ROCK2: variants seen among roughly 807,000 people sequenced by gnomAD.
ROCK2 encodes rho-associated protein kinase 2.
Under a neutral mutation model 195.1 loss-of-function variants are expected in ROCK2, and 61 were observed. The observed-to-expected ratio is 0.31, with a 90% confidence interval of 0.25 to 0.39. The LOEUF (loss-of-function observed/expected upper bound fraction) is 0.39. Ranked by LOEUF, ROCK2 falls within the 10% of genes least tolerant of loss-of-function variation. The pLI is 1.00. For synonymous variants in ROCK2, 504 were observed against 545.5 expected (o/e 0.92, Z 1.06); for missense variants, 1,109 against 1,637.4 (o/e 0.68, Z 5.57).
chr2:11,226,625 T>C (rs10168084), intron 6 of ROCK2, among the ~76,000 whole-genome samples: 61,716 of 151,864 alleles, frequency 0.41, 13,814 homozygotes, highest in Admixed American at 0.52. Flanking sequence ...AAGAAAATCT[T>C]AGAGGGCTAG....
At position 11,235,103 on chromosome 2, in the gene ROCK2, A is replaced by G. The variant is rs3771107; in HGVS notation, c.723+599T>C. Among the ~76,000 whole-genome samples, 1 of 152,200 alleles carries G rather than the reference A, an allele frequency of 6.6e-6. No individual in the cohort carries two copies. Among genetic ancestry groups the G allele is most frequent in the East Asian group, 1.9e-4 (1 of 5,202 alleles). ...AGAATTACTTACTGCACACTTACAG[A>G]GAAAAGGGCAAGATATATAAATTTT... On this transcript the variant is annotated intron_variant, in intron 5 of 32. Coordinates refer to ENST00000315872, the MANE Select transcript of ROCK2 (RefSeq NM_004850.5). This position sits in a 1 kb window ranked among gnomAD's most constrained non-coding sequence, Gnocchi z 4.2.
intron 18 of ROCK2, among the ~76,000 whole-genome samples, chr2:11,209,836 G>A (rs866908346): frequency 1.5e-4 from 23 of 152,132 alleles, no homozygotes; most frequent in Admixed American, 3.3e-4. Flanking sequence ...CTTCAAAAGT[G>A]CAGAAAAATG....
intron 3 of ROCK2, among the ~76,000 whole-genome samples, chr2:11,258,586 C>T (rs1352192044): frequency 6.6e-6 from 1 of 151,192 alleles, no homozygotes; most frequent in Non-Finnish European, 1.5e-5. Context: ...CTATGGAGTT[C>T]AGTTATGAGA....
chr2:11,264,858 T>C (rs190976726), intron 3 of ROCK2, among the ~76,000 whole-genome samples: 24 of 152,182 alleles, frequency 1.6e-4, no homozygotes, highest in Admixed American at 9.8e-4. Context: ...AGAGTTTGAG[T>C]GAGATGAAAG....
At chr2:11,285,530 T>C (rs1023986253) in intron 3 of ROCK2, among the ~76,000 whole-genome samples, 1 of 152,000 alleles carries the variant, frequency 6.6e-6, no homozygotes, top group African/African-American at 2.4e-5. Flanking sequence ...ACAAGTCCAA[T>C]AAACCTATCA....
At position 11,344,316 on chromosome 2, in the gene ROCK2, CGCCCGGCCCA is replaced by C. The variant is rs1172971292; in HGVS notation, c.-190_-181del. 1.2e-3 allele frequency: 1,461 copies of C among 1,187,776 alleles called. 3 individuals carry two copies. The African/African-American group carries it at 0.014, about 12-fold the overall frequency. The allele number at this position is 1,187,776 out of a possible 1,614,324, so 73.6% of individuals were successfully genotyped here. Reference sequence around the variant, plus strand: ...CGCCTGGGGGCTGCTCCCAGGGGCCCGCCCGGCCCAGCCCGGCCCAGCCCGGCCCGGCCCT... The same window carrying C: ...CGCCTGGGGGCTGCTCCCAGGGGCCCGCCCGGCCCAGCCCGGCCCGGCCCT... On this transcript the variant is annotated 5_prime_UTR_variant, in exon 1 of 33. Coordinates refer to ENST00000315872, the MANE Select transcript of ROCK2 (RefSeq NM_004850.5). The surrounding 1 kb of genome is among the most constrained non-coding windows in gnomAD (Gnocchi z 5.4).
At chr2:11,185,361 G>A (rs1663155402) in intron 32 of ROCK2, among the ~76,000 whole-genome samples, 2 of 152,174 alleles carry the variant, frequency 1.3e-5, no homozygotes, top group Admixed American at 1.3e-4. Flanking sequence ...TGGACTTAGA[G>A]TTGGGATATA....
intron 3 of ROCK2, among the ~76,000 whole-genome samples, chr2:11,251,166 G>A (rs1000419756): frequency 2.0e-5 from 3 of 152,154 alleles, no homozygotes; most frequent in African/African-American, 4.8e-5. Flanking sequence ...TTGCTTCATC[G>A]TACTTATTAC....
intron 1 of ROCK2, among the ~76,000 whole-genome samples, chr2:11,326,049 T>C (rs1001277418): frequency 6.6e-6 from 1 of 152,088 alleles, no homozygotes; most frequent in Admixed American, 6.5e-5. Context: ...AAAAAGAATG[T>C]AGTTGTAGAT....
At chr2:11,224,980 T>A (rs1273423172) in intron 6 of ROCK2, among the ~76,000 whole-genome samples, 1 of 152,208 alleles carries the variant, frequency 6.6e-6, no homozygotes, top group African/African-American at 2.4e-5. Context: ...TTGTAACCAA[T>A]GGTCACCACA....
intron 1 of ROCK2, among the ~76,000 whole-genome samples, chr2:11,341,883 G>C (rs1016270912): frequency 1.3e-5 from 2 of 151,896 alleles, no homozygotes; most frequent in African/African-American, 4.8e-5. Context: ...TTTCAGTTTG[G>C]AAAAATGAAA....
chr2:11,326,360 C>T (rs957273281), intron 1 of ROCK2, among the ~76,000 whole-genome samples: 2 of 152,202 alleles, frequency 1.3e-5, no homozygotes, highest in African/African-American at 4.8e-5. Flanking sequence ...TGACAAGTGT[C>T]AAGTACTTTT....
rs943620755 is a variant in ROCK2 at position 11,214,396 on chromosome 2, C to T, written c.2004G>A (p.Glu668=). 1.9e-6 allele frequency: 3 copies of T among 1,608,072 alleles called. No individual in the cohort carries two copies. The highest frequency in any genetic ancestry group is 2.7e-5 in the African/African-American group (2 of 74,752). ...GKILLAKVEL[E]KRQLQERFTD... ...TAAATCTCTCCTGAAGTTGTCTCTTCTCCAGTTCTACTTTCGCTAGTAAGA... is the reference window on the plus strand; with the variant it reads ...TAAATCTCTCCTGAAGTTGTCTCTTTTCCAGTTCTACTTTCGCTAGTAAGA... Residue 668 remains glutamate, a synonymous_variant, in exon 17 of 33, where the codon GAG becomes GAA. Transcript: ENST00000315872.
At chr2:11,325,666 T>C (rs184641124) in intron 1 of ROCK2, among the ~76,000 whole-genome samples, 58 of 152,306 alleles carry the variant, frequency 3.8e-4, no homozygotes, top group African/African-American at 1.3e-3. Context: ...TTTTAACTTT[T>C]CTCTGAATGA....
chr2:11,270,957 A>C, intron 3 of ROCK2, among the ~76,000 whole-genome samples: 1 of 152,206 alleles, frequency 6.6e-6, no homozygotes, highest in East Asian at 1.9e-4. Flanking sequence ...GGTCTTTAGT[A>C]ATATAAGGTG....
At chr2:11,284,487 T>C (rs1232744001) in intron 3 of ROCK2, among the ~76,000 whole-genome samples, 1 of 152,144 alleles carries the variant, frequency 6.6e-6, no homozygotes, top group East Asian at 1.9e-4. Context: ...TATGCACACG[T>C]TGGGGCAAGG....
At position 11,298,735 on chromosome 2, in the gene ROCK2, G is replaced by A. The variant is rs1482695849; in HGVS notation, c.142-10999C>T. 2.0e-5 allele frequency among the ~76,000 whole-genome samples: 3 copies of A among 152,056 alleles called. 1 individual carries two copies. Among genetic ancestry groups the A allele is most frequent in the African/African-American group, 7.2e-5 (3 of 41,404 alleles). ...GGGAGCAGGTTATGAGAAGTCACAC[G>A]ACTTTATACTTTGGATCCCATCTTC... On this transcript the variant is annotated intron_variant, in intron 1 of 32. Transcript: ENST00000315872.
At chr2:11,239,403 A>G (rs1489240753) in intron 4 of ROCK2, among the ~76,000 whole-genome samples, 1 of 152,220 alleles carries the variant, frequency 6.6e-6, no homozygotes, top group Non-Finnish European at 1.5e-5. Flanking sequence ...TAAAAAAGAC[A>G]GAAAATAGTT....
In ROCK2 at chr2:11,194,972, AT is replaced by A; in HGVS notation, c.3501del (p.Lys1167AsnfsTer9). On this transcript the variant is annotated frameshift_variant, in exon 28 of 33. Coordinates refer to ENST00000315872, the MANE Select transcript of ROCK2 (RefSeq NM_004850.5). LOFTEE classifies it high-confidence loss of function. Reference protein sequence around the residue: ...LSLPVRNNTKKFGWVKKYVIV... With the variant: ...LSLPVRNNTKXFGWVKKYVIV... ...TCAATTACCTTTTTAACCCATCCAAATTTCTTAGTGTTGTTTCGTACAGGCA... is the reference window on the plus strand; with the variant it reads ...TCAATTACCTTTTTAACCCATCCAAATTCTTAGTGTTGTTTCGTACAGGCA... The A allele has an allele frequency of 6.3e-7, 1 of 1,577,894 alleles. No individual in the cohort carries two copies.
Sources: allele counts gnomAD v4.1 joint callset (sites outside exome capture counted in the v4.1 genomes callset), GRCh38; gene constraint gnomAD v4.1.1; non-coding constraint Gnocchi (gnomAD v3.1); transcripts MANE v1.5; gene names NCBI Gene and HGNC (gene_info 2026-07-23, HGNC 2026-07-21).